The following TCF4 variants were observed in gnomAD, a reference collection of about 807,000 sequenced individuals.
TCF4 encodes the protein transcription factor 4, also known as SL3-3 enhancer factor 2.
Under a neutral mutation model 82.1 loss-of-function variants are expected in TCF4, and 3 were observed. The observed-to-expected ratio is 0.04, with a 90% confidence interval of 0.02 to 0.09. TCF4 has a LOEUF of 0.09. Among genes scored for constraint, TCF4 ranks in the 10% least tolerant of loss-of-function variants. The pLI, the probability that TCF4 is intolerant of heterozygous loss-of-function variation, is 1.00. For synonymous variants in TCF4, 276 were observed against 309.6 expected (o/e 0.89, Z 1.14); for missense variants, 518 against 852.7 (o/e 0.61, Z 4.89).
At chr18:55,413,312 C>A (rs2094421569) in intron 5 of TCF4, among the ~76,000 whole-genome samples, 1 of 152,114 alleles carries the variant, frequency 6.6e-6, no homozygotes, top group African/African-American at 2.4e-5. Context: ...GACCTATATC[C>A]CCTAAACATG....
intron 2 of TCF4, among the ~76,000 whole-genome samples, chr18:55,607,580 A>G (rs1006160930): frequency 1.1e-4 from 16 of 152,184 alleles, no homozygotes; most frequent in African/African-American, 3.9e-4. Flanking sequence ...TTGGAATTAC[A>G]TGCCTTGAGT....
At chr18:55,418,460 G>C (rs1569442079) in intron 5 of TCF4, among the ~76,000 whole-genome samples, 1 of 152,072 alleles carries the variant, frequency 6.6e-6, no homozygotes, top group Non-Finnish European at 1.5e-5. Flanking sequence ...ATGGTATGTG[G>C]GGTATGAATT....
chr18:55,342,693 C>G (rs1034927050), intron 8 of TCF4, among the ~76,000 whole-genome samples: 1 of 152,044 alleles, frequency 6.6e-6, no homozygotes, highest in African/African-American at 2.4e-5. Flanking sequence ...CTTTCTTAAG[C>G]TAGAGCTCCA....
chr18:55,292,501 T>C (rs974465854), intron 8 of TCF4, among the ~76,000 whole-genome samples: 9 of 152,210 alleles, frequency 5.9e-5, no homozygotes, highest in African/African-American at 1.9e-4. Context: ...CTGTCTTTTT[T>C]GTCTTCCTTG....
rs115746138 is a variant in TCF4, at chr18:55,267,666, C to T, written c.922+2165G>A. The stretch of plus-strand genomic sequence containing the variant: ...TATGCATAATAATAAAGGTTTGCTC[C>T]TCCAAAATGCTGAATTACCATGTCT... On this transcript the variant is annotated intron_variant, in intron 11 of 19. Transcript: ENST00000354452. 174 of 152,192 alleles carry T rather than the reference C, an allele frequency of 1.1e-3. 1 individual carries two copies. The highest frequency in any genetic ancestry group is 4.0e-3 in the African/African-American group (165 of 41,538). 9.4% of individuals were successfully genotyped at this position (152,192 alleles called of 1,614,324 possible).
chr18:55,621,969 AT>A, intron 2 of TCF4, among the ~76,000 whole-genome samples: 1 of 126,652 alleles, frequency 7.9e-6, no homozygotes, highest in Non-Finnish European at 1.6e-5. Flanking sequence ...TACACTATAT[AT>A]TATATATTAT....
intron 8 of TCF4, among the ~76,000 whole-genome samples, chr18:55,342,767 C>A (rs182081665): frequency 8.5e-5 from 13 of 152,160 alleles, no homozygotes; most frequent in Admixed American, 4.6e-4. Context: ...AAAAAGCAAG[C>A]CAGAAAATAT....
intron 8 of TCF4, among the ~76,000 whole-genome samples, chr18:55,324,997 G>A (rs1283751091): frequency 6.6e-6 from 1 of 152,176 alleles, no homozygotes; most frequent in Non-Finnish European, 1.5e-5. Context: ...AAGCAGAACT[G>A]ACAACACACA....
chr18:55,538,294 C>T (rs866356101), intron 3 of TCF4, among the ~76,000 whole-genome samples: 1 of 152,078 alleles, frequency 6.6e-6, no homozygotes, highest in Non-Finnish European at 1.5e-5. Context: ...ACCAGTACCC[C>T]CTAAAAGACA....
intron 8 of TCF4, chr18:55,284,191 T>A (rs749529963): frequency 6.6e-6 from 1 of 151,958 alleles, no homozygotes; most frequent in Non-Finnish European, 1.5e-5. Flanking sequence ...GGTGGGTGGA[T>A]AACGAAGTCA....
intron 5 of TCF4, among the ~76,000 whole-genome samples, chr18:55,442,694 A>G (rs1180640711): frequency 1.3e-5 from 2 of 152,218 alleles, no homozygotes; most frequent in Non-Finnish European, 2.9e-5. Context: ...AATTGGATAC[A>G]ATGAAATCTG....
intron 8 of TCF4, among the ~76,000 whole-genome samples, chr18:55,323,971 T>G (rs1160943050): frequency 6.6e-6 from 1 of 152,246 alleles, no homozygotes; most frequent in Non-Finnish European, 1.5e-5. Context: ...TTCCTATTAA[T>G]TATGTAAATA....
chr18:55,387,584 C>G (rs1207318762), intron 6 of TCF4, among the ~76,000 whole-genome samples: 1 of 152,208 alleles, frequency 6.6e-6, no homozygotes, highest in African/African-American at 2.4e-5. Flanking sequence ...TGGATTTAGT[C>G]AAGTATATTT....
chr18:55,585,990 C>A, intron 2 of TCF4: 1 of 1,333,364 alleles, frequency 7.5e-7, no homozygotes, highest in Non-Finnish European at 9.7e-7. Flanking sequence ...GAGTCAGAGC[C>A]TGCAAAAAGC....
chr18:55,382,440 A>G (rs1392770366), intron 6 of TCF4, among the ~76,000 whole-genome samples: 1 of 152,216 alleles, frequency 6.6e-6, no homozygotes, highest in Non-Finnish European at 1.5e-5. Context: ...AGAGGAAAAA[A>G]GTTGCCAATT....
chr18:55,585,200 C>T, intron 3 of TCF4, 80 bp downstream of exon 3: 2 of 1,376,244 alleles, frequency 1.5e-6, no homozygotes, highest in South Asian at 1.2e-5. Flanking sequence ...CAGAACTCTT[C>T]AACAGAGCCA....
chr18:55,323,591 T>C (rs2076075478), intron 8 of TCF4, among the ~76,000 whole-genome samples: 1 of 152,220 alleles, frequency 6.6e-6, no homozygotes, highest in Non-Finnish European at 1.5e-5. Flanking sequence ...ATCACACATT[T>C]CATTCAAATT....
chr18:55,243,655 T>C (rs1403216391), intron 15 of TCF4, among the ~76,000 whole-genome samples: 1 of 152,082 alleles, frequency 6.6e-6, no homozygotes, highest in Non-Finnish European at 1.5e-5. Flanking sequence ...TTCCCCAATA[T>C]CTCATGAAAG....
intron 11 of TCF4, chr18:55,264,827 G>C (rs2058768394): frequency 6.6e-6 from 1 of 152,104 alleles, no homozygotes; most frequent in South Asian, 2.1e-4. Context: ...TTGCCCAAGA[G>C]AAATATAATC....
Sources: allele counts gnomAD v4.1 joint callset (sites outside exome capture counted in the v4.1 genomes callset), GRCh38; gene constraint gnomAD v4.1.1; transcripts MANE v1.5; gene names NCBI Gene and HGNC (gene_info 2026-07-23, HGNC 2026-07-21).